TENM2: variants seen among roughly 807,000 people sequenced by gnomAD.
The protein encoded by TENM2 is teneurin-2.
Under a neutral mutation model 245.2 loss-of-function variants are expected in TENM2, and 52 were observed. The observed-to-expected ratio is 0.21, with a 90% CI of 0.17 to 0.27. The LOEUF is 0.27. Among genes scored for constraint, TENM2 ranks in the 10% least tolerant of loss-of-function variants. The pLI is 1.00. For missense variants in TENM2, 3,046 were observed against 3,666.8 expected (o/e 0.83, Z 4.37); for synonymous variants, 1,363 against 1,438.9 (o/e 0.95, Z 1.19).
chr5:168,185,253 A>G (rs1562257328), intron 13 of TENM2: 1 of 152,154 alleles, frequency 6.6e-6, no homozygotes. Flanking sequence ...TCTACTTTTT[A>G]TTCATAGCTG....
intron 23 of TENM2, among the ~76,000 whole-genome samples, chr5:168,225,085 G>GACTT (rs1230971261): frequency 6.6e-6 from 1 of 152,228 alleles, no homozygotes; most frequent in Non-Finnish European, 1.5e-5. Context: ...GGTGTCCCTA[G>GACTT]ACTTACTTGG....
At chr5:167,699,000 G>C (rs1414649941) in intron 2 of TENM2, among the ~76,000 whole-genome samples, 2 of 151,974 alleles carry the variant, frequency 1.3e-5, no homozygotes, top group African/African-American at 2.4e-5. Flanking sequence ...ACTTTTAAAA[G>C]AAATAATGAA....
At chr5:167,041,659 A>G in the TENM2 span, among the ~76,000 whole-genome samples, 1 of 152,238 alleles carries the variant, frequency 6.6e-6, no homozygotes. Context: ...CATGCATGAA[A>G]TTATGCATTT....
At chr5:167,898,522 G>A (rs1775428631) in intron 3 of TENM2, among the ~76,000 whole-genome samples, 1 of 152,308 alleles carries the variant, frequency 6.6e-6, no homozygotes, top group African/African-American at 2.4e-5. Context: ...ATAGGGCCAG[G>A]CAGCAGCCTG....
At position 167,500,755 on chromosome 5, in the gene TENM2, G is replaced by A. The variant is rs184788233; in HGVS notation, c.502+125282G>A. Reference sequence around the variant, plus strand: ...CTGGAAGAAAATGGGATCCTCCAAAGGTGTGATGAGGTGCAATAGGTGTTT... The same window carrying A: ...CTGGAAGAAAATGGGATCCTCCAAAAGTGTGATGAGGTGCAATAGGTGTTT... On this transcript the variant is annotated intron_variant, in intron 2 of 28. Coordinates refer to ENST00000518659, the Ensembl canonical transcript of TENM2. Among the ~76,000 whole-genome samples, 541 of 152,164 alleles carry A rather than the reference G, an allele frequency of 3.6e-3. 2 individuals carry two copies. Among genetic ancestry groups the A allele is most frequent in the Non-Finnish European group, 3.4e-3 (233 of 68,006 alleles).
chr5:167,544,094 G>A (rs1025840977), intron 2 of TENM2, among the ~76,000 whole-genome samples: 1 of 152,190 alleles, frequency 6.6e-6, no homozygotes, highest in African/African-American at 2.4e-5. Flanking sequence ...ATGGCTGACT[G>A]TATTTTATCA....
chr5:168,249,804 A>G (rs978281244), intron 27 of TENM2, among the ~76,000 whole-genome samples: 1 of 152,078 alleles, frequency 6.6e-6, no homozygotes, highest in African/African-American at 2.4e-5. Flanking sequence ...GGCTAGAGTG[A>G]GCTATGATCA....
chr5:167,917,238 C>T (rs1389386851), intron 3 of TENM2, among the ~76,000 whole-genome samples: 1 of 152,126 alleles, frequency 6.6e-6, no homozygotes, highest in Admixed American at 6.6e-5. Context: ...CCTGTGGATT[C>T]CAGAGTGATT....
chr5:167,022,271 A>G, the TENM2 span, among the ~76,000 whole-genome samples: 1 of 152,226 alleles, frequency 6.6e-6, no homozygotes, highest in East Asian at 1.9e-4. Context: ...TGAAGAGTCA[A>G]TTGGAGCTTA....
At chr5:167,526,360 G>GCACACACACA (rs72349867) in intron 2 of TENM2, among the ~76,000 whole-genome samples, 3,674 of 144,120 alleles carry the variant, frequency 0.025, 150 homozygotes, top group African/African-American at 0.081. Context: ...TTAAGAAATA[G>GCACACACACA]CACACACACA....
chr5:168,192,011 G>T (rs1761006609), intron 14 of TENM2, among the ~76,000 whole-genome samples: 1 of 152,260 alleles, frequency 6.6e-6, no homozygotes, highest in African/African-American at 2.4e-5. Context: ...AATAGAAAAA[G>T]AAATAATAGA....
intron 2 of TENM2, among the ~76,000 whole-genome samples, chr5:167,493,786 A>T (rs1768601309): frequency 1.3e-5 from 2 of 152,082 alleles, no homozygotes; most frequent in South Asian, 4.1e-4. Flanking sequence ...TCATATATCT[A>T]TAACAGGAAA....
chr5:167,952,008 T>G (rs949320797), intron 3 of TENM2, among the ~76,000 whole-genome samples: 3 of 152,184 alleles, frequency 2.0e-5, no homozygotes, highest in Non-Finnish European at 4.4e-5. Flanking sequence ...TGCCTTGAGC[T>G]CTCTCCCTCA....
At chr5:167,065,711 C>T in the TENM2 span, among the ~76,000 whole-genome samples, 21 of 152,314 alleles carry the variant, frequency 1.4e-4, no homozygotes, top group African/African-American at 4.6e-4. Flanking sequence ...GTAAAGTGCT[C>T]ATTTCAAACT....
chr5:168,250,983 G>T (rs994576262), intron 27 of TENM2, among the ~76,000 whole-genome samples: 5 of 152,234 alleles, frequency 3.3e-5, no homozygotes, highest in African/African-American at 1.2e-4. Context: ...GCCTTTCTGA[G>T]CAGGTAGTGT....
chr5:167,598,296 G>C (rs1776362232), intron 2 of TENM2, among the ~76,000 whole-genome samples: 1 of 152,174 alleles, frequency 6.6e-6, no homozygotes, highest in African/African-American at 2.4e-5. Flanking sequence ...GATAGTGCCT[G>C]CTTTTTACAC....
intron 2 of TENM2, among the ~76,000 whole-genome samples, chr5:167,595,492 A>G (rs1776142262): frequency 6.6e-6 from 1 of 152,240 alleles, no homozygotes; most frequent in Non-Finnish European, 1.5e-5. Flanking sequence ...TTCACAGCAA[A>G]CAGACCTATT....
intron 2 of TENM2, among the ~76,000 whole-genome samples, chr5:167,674,417 C>G (rs944440148): frequency 1.3e-5 from 2 of 152,098 alleles, no homozygotes; most frequent in Non-Finnish European, 2.9e-5. Flanking sequence ...ATATGCAAGT[C>G]AAATACAGAA....
At chr5:167,575,491 C>G (rs775251207) in intron 2 of TENM2, among the ~76,000 whole-genome samples, 1 of 152,016 alleles carries the variant, frequency 6.6e-6, no homozygotes, top group South Asian at 2.1e-4. Context: ...AATATCATAC[C>G]CTGGCATGTC....
Sources: allele counts gnomAD v4.1 joint callset (sites outside exome capture counted in the v4.1 genomes callset), GRCh38; gene constraint gnomAD v4.1.1; transcripts MANE v1.5; gene names NCBI Gene and HGNC (gene_info 2026-07-23, HGNC 2026-07-21).